The following DENND2B variants were observed in gnomAD, a reference collection of about 807,000 sequenced individuals.
DENND2B encodes DENN domain-containing protein 2B.
DENND2B carries 32 observed loss-of-function variants against 116.0 expected under a neutral mutation model. The observed-to-expected ratio is 0.28, with a 90% CI of 0.21 to 0.37. DENND2B has a LOEUF of 0.37. Among genes scored for constraint, DENND2B ranks in the 10% least tolerant of loss-of-function variants. The pLI, the probability that DENND2B is intolerant of heterozygous loss-of-function variation, is 1.00. For synonymous variants in DENND2B, 588 were observed against 583.9 expected, an observed-to-expected ratio of 1.01 and a Z score of -0.10; for missense variants, 1,276 against 1,477.7, an observed-to-expected ratio of 0.86 and a Z score of 2.24.
At chr11:8,847,515 A>C (rs1344285188) in intron 3 of DENND2B, among the ~76,000 whole-genome samples, 1 of 152,250 alleles carries the variant, frequency 6.6e-6, no homozygotes, top group Admixed American at 6.5e-5. Context: ...AGATCAGTAA[A>C]CAGAGAAGAA....
At chr11:8,838,351 C>A (rs1188905135) in intron 4 of DENND2B, among the ~76,000 whole-genome samples, 1 of 152,200 alleles carries the variant, frequency 6.6e-6, no homozygotes, top group African/African-American at 2.4e-5. Context: ...GATCCCACCA[C>A]AAACTAGTAA....
intron 16 of DENND2B, 50 bp downstream of exon 16, chr11:8,698,883 T>C: frequency 6.2e-7 from 1 of 1,606,034 alleles, no homozygotes; most frequent in Non-Finnish European, 8.5e-7. Context: ...GTGTGTGTGA[T>C]GGTGCAGGGT....
At chr11:8,812,833 CA>C (rs1201502711), upstream of DENND2B, among the ~76,000 whole-genome samples, 1 of 152,312 alleles carries the variant, frequency 6.6e-6, no homozygotes, top group East Asian at 1.9e-4. Flanking sequence ...CAAAAACAAA[CA>C]AAAAACACTG....
At chr11:8,797,464 C>A (rs2059923959) in intron 1 of DENND2B, among the ~76,000 whole-genome samples, 1 of 120,484 alleles carries the variant, frequency 8.3e-6, no homozygotes, top group Non-Finnish European at 1.7e-5. Flanking sequence ...CCTCCTTCTT[C>A]CCCTTTCTTC....
intron 4 of DENND2B, among the ~76,000 whole-genome samples, chr11:8,824,853 A>ATTTTTTTTTTT (rs371924172): frequency 2.3e-5 from 3 of 130,236 alleles, no homozygotes; most frequent in African/African-American, 2.9e-5. Flanking sequence ...ACACCCAGCT[A>ATTTTTTTTTTT]TTTTTTTTTT....
chr11:8,874,903 C>T (rs989870570), upstream of DENND2B, among the ~76,000 whole-genome samples: 1 of 152,046 alleles, frequency 6.6e-6, no homozygotes, highest in Non-Finnish European at 1.5e-5. Flanking sequence ...TCAGCCTGGG[C>T]GGCAAAGTGA....
chr11:8,897,501 A>T (rs1429163681), intron 1 of DENND2B, among the ~76,000 whole-genome samples: 1 of 152,196 alleles, frequency 6.6e-6, no homozygotes, highest in African/African-American at 2.4e-5. Context: ...GAAACATGTG[A>T]TCTTGGTAGT....
At chr11:8,803,652 A>G (rs1175818522) in intron 1 of DENND2B, among the ~76,000 whole-genome samples, 2 of 152,344 alleles carry the variant, frequency 1.3e-5, no homozygotes, top group South Asian at 2.1e-4. Context: ...TGTGTCTACA[A>G]CTAAGTCGAG....
chr11:8,857,732 T>C (rs1032956005), intron 2 of DENND2B, among the ~76,000 whole-genome samples: 7 of 152,174 alleles, frequency 4.6e-5, no homozygotes, highest in African/African-American at 1.7e-4. Flanking sequence ...GGGAACTAAA[T>C]TAGGAGTCAA....
intron 1 of DENND2B, among the ~76,000 whole-genome samples, chr11:8,758,488 C>T (rs2054000895): frequency 6.6e-6 from 1 of 152,190 alleles, no homozygotes; most frequent in African/African-American, 2.4e-5. Flanking sequence ...CTCCTCATTT[C>T]TAAGCTCCTG....
intron 4 of DENND2B, among the ~76,000 whole-genome samples, chr11:8,825,031 T>C (rs1452047431): frequency 6.6e-6 from 1 of 152,142 alleles, no homozygotes; most frequent in Non-Finnish European, 1.5e-5. Flanking sequence ...TTCCTTTGGG[T>C]ATATACCCAG....
chr11:8,701,477 C>CCT (rs2041662358), intron 14 of DENND2B, among the ~76,000 whole-genome samples: 1 of 151,990 alleles, frequency 6.6e-6, no homozygotes, highest in Non-Finnish European at 1.5e-5. Flanking sequence ...CTTGGGGTTC[C>CCT]CTCTCTCGGC....
intron 1 of DENND2B, among the ~76,000 whole-genome samples, chr11:8,888,290 T>A (rs907363629): frequency 3.3e-5 from 5 of 152,202 alleles, no homozygotes; most frequent in South Asian, 2.1e-4. Flanking sequence ...AAGGATCTTG[T>A]CCTTCAAATG....
chr11:8,796,531 T>C (rs1471192849), intron 1 of DENND2B, among the ~76,000 whole-genome samples: 2 of 152,074 alleles, frequency 1.3e-5, no homozygotes, highest in African/African-American at 4.8e-5. Context: ...AGAGAATCCA[T>C]CTCGAAAAAG....
At chr11:8,845,058 T>C (rs1429493940) in intron 3 of DENND2B, among the ~76,000 whole-genome samples, 1 of 150,760 alleles carries the variant, frequency 6.6e-6, no homozygotes, top group Non-Finnish European at 1.5e-5. Context: ...TTGTAAATGT[T>C]AAAAAAAAAA....
chr11:8,794,783 CA>C (rs2059672668), intron 1 of DENND2B: 1 of 152,294 alleles, frequency 6.6e-6, no homozygotes, highest in Admixed American at 6.5e-5. Context: ...CAGGCAGCAA[CA>C]AGGAGAAAAC....
At chr11:8,719,223 T>C in intron 4 of DENND2B, 1 of 985,458 alleles carries the variant, frequency 1.0e-6, no homozygotes, top group African/African-American at 1.7e-5. Flanking sequence ...AGCCAATCCC[T>C]ATATGCTTGC....
At chr11:8,718,612 C>T (rs1228551478) in intron 4 of DENND2B, 1 of 1,339,978 alleles carries the variant, frequency 7.5e-7, no homozygotes, top group African/African-American at 1.5e-5. Flanking sequence ...CAACACTCCC[C>T]TTTTGGAACA....
intron 1 of DENND2B, among the ~76,000 whole-genome samples, chr11:8,806,159 G>T (rs2060815894): frequency 6.6e-6 from 1 of 152,160 alleles, no homozygotes; most frequent in African/African-American, 2.4e-5. Context: ...CCTTCCAGTA[G>T]TCTTCCTCCT....
Sources: gnomAD v4.1 joint callset for allele counts (sites outside exome capture counted in the v4.1 genomes callset) on GRCh38, gnomAD v4.1.1 for gene constraint, MANE v1.5 for transcripts, NCBI Gene and HGNC (gene_info 2026-07-23, HGNC 2026-07-21) for gene names.